Variants in RBFOX1 observed in about 807,000 individuals in gnomAD.
RBFOX1 encodes RNA binding fox-1 homolog 1, also known as RNA binding protein fox-1 homolog 1.
In RBFOX1, 8 loss-of-function variants were observed where a neutral mutation model predicts 57.7. The observed-to-expected ratio is 0.14, with a 90% CI of 0.08 to 0.25. RBFOX1 has a LOEUF of 0.25. Ranked by LOEUF, RBFOX1 falls within the 10% of genes least tolerant of loss-of-function variation. The pLI is 1.00. For missense variants in RBFOX1, 611 were observed against 548.5 expected, an observed-to-expected ratio of 1.11 and a Z score of -1.14; for synonymous variants, 326 against 222.4, an observed-to-expected ratio of 1.47 and a Z score of -4.15.
At chr16:5,647,401 A>G (rs2049088493) in intron 3 of RBFOX1, among the ~76,000 whole-genome samples, 1 of 152,184 alleles carries the variant, frequency 6.6e-6, no homozygotes, top group Non-Finnish European at 1.5e-5. Context: ...ATTTATTGCC[A>G]CTGTGAAATA....
intron 4 of RBFOX1, among the ~76,000 whole-genome samples, chr16:7,337,662 T>A (rs2096817253): frequency 6.6e-6 from 1 of 152,022 alleles, no homozygotes; most frequent in Non-Finnish European, 1.5e-5. Flanking sequence ...CGCAGGTGAA[T>A]GTTTTTTGTG....
intron 3 of RBFOX1, among the ~76,000 whole-genome samples, chr16:6,835,780 A>C (rs2093050904): frequency 7.8e-6 from 1 of 127,690 alleles, no homozygotes; most frequent in Non-Finnish European, 1.6e-5. Context: ...AAAAAAAAAA[A>C]AGTTTGTATC....
chr16:7,060,072 C>G (rs2053772605), intron 4 of RBFOX1, among the ~76,000 whole-genome samples: 1 of 152,110 alleles, frequency 6.6e-6, no homozygotes, highest in South Asian at 2.1e-4. Context: ...TCTCATTCCA[C>G]TTTAATCAAA....
chr16:5,863,248 G>C (rs987446039), intron 3 of RBFOX1, among the ~76,000 whole-genome samples: 25 of 152,228 alleles, frequency 1.6e-4, no homozygotes, highest in Admixed American at 1.6e-3. Context: ...GAAGGGAAAT[G>C]ATTAAAGGGA....
chr16:6,102,449 A>G (rs1044523174), intron 1 of RBFOX1, among the ~76,000 whole-genome samples: 2 of 152,206 alleles, frequency 1.3e-5, no homozygotes, highest in Admixed American at 6.5e-5. Context: ...TTGCAACAAC[A>G]TCAATCATTG....
chr16:7,497,600 T>A (rs1285161511), intron 4 of RBFOX1, among the ~76,000 whole-genome samples: 2 of 152,222 alleles, frequency 1.3e-5, no homozygotes, highest in Non-Finnish European at 2.9e-5. Flanking sequence ...CAAATGCTTA[T>A]TGTGAACCTA....
intron 1 of RBFOX1, among the ~76,000 whole-genome samples, chr16:5,371,311 A>G (rs1030905921): frequency 3.9e-5 from 6 of 152,160 alleles, no homozygotes; most frequent in Admixed American, 2.0e-4. Flanking sequence ...CCCTCATCCA[A>G]TCTGACTAGT....
At chr16:6,076,336 A>G (rs956179755) in intron 1 of RBFOX1, among the ~76,000 whole-genome samples, 5 of 149,812 alleles carry the variant, frequency 3.3e-5, no homozygotes, top group African/African-American at 1.0e-4. Context: ...ACACACGCGC[A>G]CACACACACA....
chr16:6,311,859 C>G (rs1182196406), intron 1 of RBFOX1, among the ~76,000 whole-genome samples: 5 of 152,138 alleles, frequency 3.3e-5, no homozygotes, highest in Non-Finnish European at 7.4e-5. Flanking sequence ...GTGATGGGCA[C>G]TAACCTCTCT....
intron 4 of RBFOX1, among the ~76,000 whole-genome samples, chr16:7,362,377 A>T (rs1256430194): frequency 1.4e-5 from 2 of 147,866 alleles, no homozygotes; most frequent in Non-Finnish European, 3.0e-5. Context: ...GTGTGTGTGT[A>T]TGTGTTAATG....
intron 4 of RBFOX1, among the ~76,000 whole-genome samples, chr16:7,329,467 A>C (rs1051179870): frequency 6.6e-6 from 1 of 152,244 alleles, no homozygotes; most frequent in African/African-American, 2.4e-5. Context: ...GGAGGCTCCA[A>C]GAAGGAAGAA....
At chr16:6,320,184 A>G (rs1023449830) in intron 2 of RBFOX1, among the ~76,000 whole-genome samples, 2 of 152,202 alleles carry the variant, frequency 1.3e-5, no homozygotes, top group African/African-American at 4.8e-5. Context: ...TTATATCGGA[A>G]TGACTTAGCG....
intron 3 of RBFOX1, among the ~76,000 whole-genome samples, chr16:5,800,438 G>C (rs1250266410): frequency 6.6e-6 from 1 of 152,178 alleles, no homozygotes; most frequent in African/African-American, 2.4e-5. Context: ...GTTGTGAACA[G>C]GCTCTGCACC....
intron 4 of RBFOX1, among the ~76,000 whole-genome samples, chr16:7,374,358 C>G (rs988016036): frequency 6.6e-6 from 1 of 152,192 alleles, no homozygotes; most frequent in Non-Finnish European, 1.5e-5. Flanking sequence ...ATATTCCTGT[C>G]TGTCCTCCCT....
At chr16:7,657,461 C>T (rs2066595111) in intron 12 of RBFOX1, among the ~76,000 whole-genome samples, 1 of 152,164 alleles carries the variant, frequency 6.6e-6, no homozygotes, top group Non-Finnish European at 1.5e-5. Context: ...CCCGCCACCA[C>T]ACCTGGCTAA....
intron 4 of RBFOX1, among the ~76,000 whole-genome samples, chr16:7,150,187 G>A (rs1213819691): frequency 1.3e-5 from 2 of 152,048 alleles, no homozygotes; most frequent in South Asian, 2.1e-4. Flanking sequence ...ATGCACATCC[G>A]AAGGACAAAA....
chr16:5,594,607 G>C lies in RBFOX1; in HGVS notation c.259-4295G>C, dbSNP rs932944152. On this transcript the variant is annotated intron_variant, in intron 2 of 2. Transcript: ENST00000585867. ...TGGGAGAGGAGGCTTCCAGGTCAGA[G>C]GTAGAAAAGAGACAAATGGTTTCAT... is the stretch of plus-strand genomic sequence containing the variant. Among the ~76,000 whole-genome samples, 101 of 152,142 alleles carry C rather than the reference G, an allele frequency of 6.6e-4. 1 individual carries two copies. Among genetic ancestry groups the C allele is most frequent in the Non-Finnish European group, 1.8e-4 (12 of 68,028 alleles).
At position 5,512,418 on chromosome 16, in the gene RBFOX1, T is replaced by C. The variant is rs186845534; in HGVS notation, c.258+45164T>C. 3.0e-3 allele frequency among the ~76,000 whole-genome samples: 390 copies of C among 129,648 alleles called. 1 individual carries two copies. Among genetic ancestry groups the C allele is most frequent in the Middle Eastern group, 4.3e-3 (1 of 234 alleles). 85.1% of individuals were successfully genotyped at this position (129,648 alleles called of 152,430 possible). A position where few individuals can be genotyped will look rare whatever the true frequency, so the allele number is the denominator to read the frequency against. On this transcript the variant is annotated intron_variant, in intron 2 of 2. Transcript: ENST00000585867. ...TCTTCTTCCTCCTACTCCTCTCTCT[T>C]TCTCTCTCTCTCTCTGTCTCTCTCT... is the stretch of plus-strand genomic sequence containing the variant.
At chr16:6,904,164 CTG>C (rs1426325913) in intron 3 of RBFOX1, among the ~76,000 whole-genome samples, 1 of 152,188 alleles carries the variant, frequency 6.6e-6, no homozygotes, top group African/African-American at 2.4e-5. Flanking sequence ...AATGAAAGCT[CTG>C]TGTCTGTGTG....
Sources: gnomAD v4.1 joint callset for allele counts (sites outside exome capture counted in the v4.1 genomes callset) on GRCh38, gnomAD v4.1.1 for gene constraint, MANE v1.5 for transcripts, NCBI Gene and HGNC (gene_info 2026-07-23, HGNC 2026-07-21) for gene names.